NAALADL2: variants seen among roughly 807,000 people sequenced by gnomAD.
NAALADL2 encodes inactive N-acetylated-alpha-linked acidic dipeptidase-like protein 2.
NAALADL2 carries 76 observed loss-of-function variants against 87.2 expected under a neutral mutation model. That is an observed-to-expected ratio of 0.87 (90% CI 0.72 to 1.05). The LOEUF (loss-of-function observed/expected upper bound fraction) is 1.05, where lower values mean the gene tolerates loss of function less well. Among genes scored for constraint, NAALADL2 ranks in the 50% least tolerant of loss-of-function variants. The pLI, the probability that NAALADL2 is intolerant of heterozygous loss-of-function variation, is 0.00. For missense variants in NAALADL2, 1,089 were observed against 945.8 expected, an observed-to-expected ratio of 1.15 and a Z score of -1.99; for synonymous variants, 354 against 331.0, an observed-to-expected ratio of 1.07 and a Z score of -0.75.
chr3:174,711,979 A>G (rs1011923836), intron 2 of NAALADL2, among the ~76,000 whole-genome samples: 2 of 151,842 alleles, frequency 1.3e-5, no homozygotes, highest in African/African-American at 4.8e-5. Context: ...TTTGTGTTTT[A>G]GTAGAGACGG....
intron 1 of NAALADL2, among the ~76,000 whole-genome samples, chr3:174,476,732 C>T (rs963986382): frequency 6.6e-6 from 1 of 151,804 alleles, no homozygotes; most frequent in African/African-American, 2.4e-5. Context: ...TAATAAAGTC[C>T]CTACCTACCC....
chr3:175,270,003 C>G (rs1337493405), intron 4 of NAALADL2, among the ~76,000 whole-genome samples: 3 of 151,990 alleles, frequency 2.0e-5, no homozygotes, highest in Non-Finnish European at 2.9e-5. Context: ...ATTTATCATA[C>G]TATATTTTTC....
At chr3:174,961,169 A>T (rs1035308172) in intron 1 of NAALADL2, among the ~76,000 whole-genome samples, 5 of 150,164 alleles carry the variant, frequency 3.3e-5, no homozygotes, top group Non-Finnish European at 5.9e-5. Flanking sequence ...TTGTTTGTAG[A>T]GATAAGGTCT....
chr3:175,622,957 T>C (rs1726434878), intron 10 of NAALADL2, among the ~76,000 whole-genome samples: 1 of 151,946 alleles, frequency 6.6e-6, no homozygotes, highest in South Asian at 2.1e-4. Flanking sequence ...CTAGATCCCA[T>C]TAAAAAGGTG....
intron 4 of NAALADL2, among the ~76,000 whole-genome samples, chr3:175,311,251 C>T (rs1287232622): frequency 2.0e-5 from 3 of 147,462 alleles, no homozygotes; most frequent in East Asian, 2.0e-4. Flanking sequence ...TAAGGCTGGG[C>T]TTCTTCCATG....
At chr3:174,722,077 T>G (rs945576111) in intron 2 of NAALADL2, among the ~76,000 whole-genome samples, 7 of 152,178 alleles carry the variant, frequency 4.6e-5, no homozygotes, top group Non-Finnish European at 7.3e-5. Context: ...TCCCACACTT[T>G]ACTCCTTCTT....
chr3:175,795,700 A>T (rs1753387213), intron 13 of NAALADL2, among the ~76,000 whole-genome samples: 1 of 150,534 alleles, frequency 6.6e-6, no homozygotes, highest in Non-Finnish European at 1.5e-5. Flanking sequence ...AAAAAAATAA[A>T]ATAAAATAAA....
intron 9 of NAALADL2, among the ~76,000 whole-genome samples, chr3:175,557,243 A>G (rs1715426311): frequency 6.6e-6 from 1 of 152,030 alleles, no homozygotes; most frequent in Admixed American, 6.6e-5. Context: ...CTGTTCTTTT[A>G]ATTTATTTTC....
Position 175,293,489 on chromosome 3 carries a change from T to G in NAALADL2, c.940-30686T>G, listed in dbSNP as rs566017989. Among the ~76,000 whole-genome samples, 29 of 152,304 alleles carry G rather than the reference T, an allele frequency of 1.9e-4. 3 individuals carry two copies. The South Asian group carries it at 6.0e-3, about 32-fold the overall frequency. On this transcript the variant is annotated intron_variant, in intron 4 of 13. Coordinates refer to ENST00000454872, the MANE Select transcript of NAALADL2 (RefSeq NM_207015.3). ...ATATAAATATTTTCCAAACAGTACA[T>G]TTTTTTGAGCAACAACTGCTATGGT...
chr3:174,665,923 T>C (rs2108789296), intron 2 of NAALADL2, among the ~76,000 whole-genome samples: 1 of 152,306 alleles, frequency 6.6e-6, no homozygotes, highest in East Asian at 1.9e-4. Context: ...CATAGCATTC[T>C]CCTTTCTGTG....
chr3:174,562,285 G>A (rs2108514081), intron 2 of NAALADL2, among the ~76,000 whole-genome samples: 1 of 152,226 alleles, frequency 6.6e-6, no homozygotes, highest in African/African-American at 2.4e-5. Flanking sequence ...ATACAAGTTT[G>A]ATGCTTTGAG....
chr3:175,068,833 TG>T (rs1344808128), intron 1 of NAALADL2, among the ~76,000 whole-genome samples: 1 of 152,122 alleles, frequency 6.6e-6, no homozygotes, highest in Non-Finnish European at 1.5e-5. Context: ...TGAAAAAGTA[TG>T]CACTTGGTAT....
chr3:174,667,337 G>C (rs895661301), intron 2 of NAALADL2, among the ~76,000 whole-genome samples: 6 of 152,032 alleles, frequency 3.9e-5, no homozygotes, highest in Non-Finnish European at 8.8e-5. Flanking sequence ...AGAAGCAAGG[G>C]TTTCCTGCTT....
At chr3:174,590,750 G>A (rs926954754) in intron 2 of NAALADL2, among the ~76,000 whole-genome samples, 1 of 152,062 alleles carries the variant, frequency 6.6e-6, no homozygotes, top group Non-Finnish European at 1.5e-5. Flanking sequence ...CACAGTAACA[G>A]TACTAATCTC....
rs748389115 is a variant in NAALADL2, at chr3:175,097,272, G to C, written c.526G>C (p.Asp176His). ...GATTCTCAAGACAATCCAGGCAGAA[G>C]ATATTAAGAAGTCTTTCAGGTAGGT... ...QEILKTIQAE[D>H]IKKSFRNLVQ... The change falls in exon 2 of 14, where the codon GAT (aspartate) becomes CAT (histidine). Residue 176 changes from aspartate (D) to histidine (H), a missense_variant. Transcript: ENST00000454872. 2.6e-5 allele frequency: 42 copies of C among 1,609,098 alleles called. No homozygotes were observed. In the East Asian group the frequency reaches 9.1e-4, roughly 35 times the overall value.
chr3:175,013,247 TATATA>T (rs1253308699), intron 1 of NAALADL2, among the ~76,000 whole-genome samples: 52 of 99,180 alleles, frequency 5.2e-4, no homozygotes, highest in African/African-American at 1.9e-3. Context: ...ATATATAAAA[TATATA>T]ATATACATAT....
At chr3:174,753,276 C>A (rs1044690729) in intron 3 of NAALADL2, among the ~76,000 whole-genome samples, 1 of 152,106 alleles carries the variant, frequency 6.6e-6, no homozygotes, top group Non-Finnish European at 1.5e-5. Flanking sequence ...GGGTTTCACC[C>A]CATTGGCCTG....
At chr3:175,546,148 C>T (rs868167744) in intron 9 of NAALADL2, among the ~76,000 whole-genome samples, 1 of 152,018 alleles carries the variant, frequency 6.6e-6, no homozygotes, top group South Asian at 2.1e-4. Flanking sequence ...TAAGAAAAGA[C>T]TTCATTGTCT....
Position 175,617,510 on chromosome 3 carries a change from T to C in NAALADL2, c.1801-9781T>C, listed in dbSNP as rs1725513215. On this transcript the variant is annotated intron_variant, in intron 10 of 13. Transcript: ENST00000454872. ...CCTAAAGTGCCTTGGCTTGACACAT[T>C]TGTAGCAGTTACCAGGTGCATCTCA... Among the ~76,000 whole-genome samples the C allele has an allele frequency of 2.6e-5, 4 of 152,156 alleles. No homozygotes were observed. In the South Asian group the frequency reaches 6.2e-4, roughly 24 times the overall value.
Sources: gnomAD v4.1 joint callset for allele counts (sites outside exome capture counted in the v4.1 genomes callset) on GRCh38, gnomAD v4.1.1 for gene constraint, MANE v1.5 for transcripts, NCBI Gene and HGNC (gene_info 2026-07-23, HGNC 2026-07-21) for gene names.